The following SMARCA2 variants were observed in gnomAD, a reference collection of about 807,000 sequenced individuals.
SMARCA2 encodes the protein SWI/SNF related BAF chromatin remodeling complex subunit ATPase 2, also known as SWI/SNF-related matrix-associated actin-dependent regulator of chromatin subfamily A member 2.
SMARCA2 carries 61 observed loss-of-function variants against 199.8 expected under a neutral mutation model. The ratio of observed to expected loss-of-function variants is 0.31; its 90% CI spans 0.25 to 0.38. The LOEUF (loss-of-function observed/expected upper bound fraction) is 0.38, where lower values mean the gene tolerates loss of function less well. SMARCA2 is among the 10% of genes least tolerant of loss of function. The probability of loss-of-function intolerance (pLI) is 1.00; values close to 1 mark genes in which losing one functional copy is unlikely to be tolerated. For missense variants in SMARCA2, 1,344 were observed against 2,012.2 expected, an observed-to-expected ratio of 0.67 and a Z score of 6.35; for synonymous variants, 935 against 732.0, an observed-to-expected ratio of 1.28 and a Z score of -4.48.
intron 15 of SMARCA2, among the ~76,000 whole-genome samples, chr9:2,082,432 A>G (rs1291281716): frequency 1.3e-5 from 2 of 152,208 alleles, no homozygotes; most frequent in African/African-American, 4.8e-5. Context: ...AACATAAATC[A>G]AAATCATAAC....
At chr9:2,061,093 T>A in intron 9 of SMARCA2, 107 bp downstream of exon 9, 1 of 1,079,854 alleles carries the variant, frequency 9.3e-7, no homozygotes, top group Non-Finnish European at 1.3e-6. Flanking sequence ...GTGGAAGGTT[T>A]AGATGATTGA....
At chr9:2,127,184 C>T (rs1268121167) in intron 27 of SMARCA2, among the ~76,000 whole-genome samples, 3 of 152,118 alleles carry the variant, frequency 2.0e-5, no homozygotes, top group Non-Finnish European at 2.9e-5. Flanking sequence ...GTCCTTCAGT[C>T]ACAGTTTCCT....
intron 19 of SMARCA2, among the ~76,000 whole-genome samples, chr9:2,095,611 T>C (rs551274342): frequency 1.3e-5 from 2 of 152,326 alleles, no homozygotes; most frequent in African/African-American, 4.8e-5. Flanking sequence ...CTAATCTCAT[T>C]TGATGCATGA....
intron 14 of SMARCA2, among the ~76,000 whole-genome samples, chr9:2,079,144 G>A (rs1179579557): frequency 6.6e-6 from 1 of 152,158 alleles, no homozygotes; most frequent in Non-Finnish European, 1.5e-5. Context: ...CACTCTGGCA[G>A]TGACCCCTCT....
chr9:2,069,163 G>C, intron 9 of SMARCA2: 2 of 151,252 alleles, frequency 1.3e-5, no homozygotes, highest in South Asian at 4.2e-4. Flanking sequence ...TGATCTGCCC[G>C]CCTCGGCCTC....
Position 2,088,622 on chromosome 9 carries a change from C to T in SMARCA2, c.2883+9C>T. The stretch of plus-strand genomic sequence containing the variant: ...CCCAGCTTCCCGAAAAAGTATGTTG[C>T]ACAACCAAAAGTTGTGGGTTTTTTT... On this transcript the variant is annotated intron_variant, in intron 19 of 33. Coordinates refer to ENST00000349721, the MANE Select transcript of SMARCA2 (RefSeq NM_003070.5). The T allele has an allele frequency of 6.4e-7, 1 of 1,567,744 alleles. No individual in the cohort carries two copies. Among genetic ancestry groups the T allele is most frequent in the Non-Finnish European group, 8.6e-7 (1 of 1,160,022 alleles).
intron 27 of SMARCA2, among the ~76,000 whole-genome samples, chr9:2,155,758 T>TTTTTTTTC (rs1825328674): frequency 3.6e-5 from 3 of 82,522 alleles, no homozygotes; most frequent in Admixed American, 1.3e-4. Flanking sequence ...TTTTTTTTTT[T>TTTTTTTTC]CAAAAGTGAT....
At chr9:2,048,110 G>A (rs1382898816) in intron 5 of SMARCA2, among the ~76,000 whole-genome samples, 1 of 152,178 alleles carries the variant, frequency 6.6e-6, no homozygotes, top group East Asian at 1.9e-4. Context: ...CTTGCAGTGT[G>A]AAAACAGCTG....
intron 12 of SMARCA2, 54 bp from the exon 13 acceptor site, chr9:2,076,175 T>TA: frequency 1.0e-6 from 1 of 976,470 alleles, no homozygotes; most frequent in South Asian, 1.3e-5. Context: ...ATGTCAATCA[T>TA]AGAGATTTCC....
chr9:2,099,100 CAG>C (rs1393356628), intron 21 of SMARCA2, among the ~76,000 whole-genome samples: 2 of 152,118 alleles, frequency 1.3e-5, no homozygotes, highest in Non-Finnish European at 1.5e-5. Flanking sequence ...GATTTGTAAA[CAG>C]GGGTAATAAT....
At chr9:2,179,584 G>A (rs1262293132) in intron 29 of SMARCA2, among the ~76,000 whole-genome samples, 1 of 152,166 alleles carries the variant, frequency 6.6e-6, no homozygotes, top group African/African-American at 2.4e-5. Flanking sequence ...AGACAGAGAT[G>A]TCATACCTAG....
chr9:2,090,741 C>T (rs866750941), intron 19 of SMARCA2, among the ~76,000 whole-genome samples: 13 of 152,060 alleles, frequency 8.5e-5, no homozygotes, highest in South Asian at 2.1e-4. Flanking sequence ...GCTCTCCTTC[C>T]GGTAGCCCCC....
At chr9:2,114,831 G>A (rs1225112164) in intron 24 of SMARCA2, among the ~76,000 whole-genome samples, 1 of 152,128 alleles carries the variant, frequency 6.6e-6, no homozygotes, top group African/African-American at 2.4e-5. Flanking sequence ...GGAGATTTAC[G>A]TTGTTGGCAT....
At chr9:2,178,472 C>A (rs1826779412) in intron 29 of SMARCA2, among the ~76,000 whole-genome samples, 1 of 152,094 alleles carries the variant, frequency 6.6e-6, no homozygotes, top group Non-Finnish European at 1.5e-5. Flanking sequence ...ATGGAAAACA[C>A]CTTGGGATAG....
At chr9:2,147,578 G>A (rs1242714413) in intron 27 of SMARCA2, among the ~76,000 whole-genome samples, 1 of 152,176 alleles carries the variant, frequency 6.6e-6, no homozygotes, top group Non-Finnish European at 1.5e-5. Flanking sequence ...GGGCGTGGTG[G>A]CTCACGCCTG....
rs1419214132 is a variant in SMARCA2 at position 2,016,205 on chromosome 9, G to A, written c.-37+801G>A. ...GCGTTTCCTCCGGCGTGGATGGGGAGGCTGATTGGTAGGCAGGCCTTTAGG... is the reference window on the plus strand; with the variant it reads ...GCGTTTCCTCCGGCGTGGATGGGGAAGCTGATTGGTAGGCAGGCCTTTAGG... On this transcript the variant is annotated intron_variant, in intron 1 of 33. Transcript: ENST00000349721. This position sits in a 1 kb window ranked among gnomAD's most constrained non-coding sequence, Gnocchi z 5.6. 6.6e-6 allele frequency: 1 copy of A among 152,402 alleles called. No individual in the cohort carries two copies. The highest frequency in any genetic ancestry group is 1.5e-5 in the Non-Finnish European group (1 of 68,178). 9.4% of individuals were successfully genotyped at this position (152,402 alleles called of 1,614,324 possible).
intron 32 of SMARCA2, among the ~76,000 whole-genome samples, chr9:2,188,423 T>C (rs1028212081): frequency 6.6e-6 from 1 of 152,196 alleles, no homozygotes; most frequent in Non-Finnish European, 1.5e-5. Context: ...CTATTATCTA[T>C]ATTCTAGTTA....
At chr9:2,105,822 C>T (rs1174929557) in intron 23 of SMARCA2, among the ~76,000 whole-genome samples, 2 of 152,216 alleles carry the variant, frequency 1.3e-5, no homozygotes, top group African/African-American at 4.8e-5. Context: ...GACAGCCCCA[C>T]ACAGGCGTCC....
chr9:2,055,080 AGC>A (rs1378512214), intron 6 of SMARCA2, among the ~76,000 whole-genome samples: 1 of 152,204 alleles, frequency 6.6e-6, no homozygotes, highest in Admixed American at 6.5e-5. Flanking sequence ...AGTGGATTGG[AGC>A]TTCTTTGTAA....
Sources: gnomAD v4.1 joint callset for allele counts (sites outside exome capture counted in the v4.1 genomes callset) on GRCh38, gnomAD v4.1.1 for gene constraint, Gnocchi (gnomAD v3.1) non-coding constraint, MANE v1.5 for transcripts, NCBI Gene and HGNC (gene_info 2026-07-23, HGNC 2026-07-21) for gene names.